C10orf53: variants seen among roughly 807,000 people sequenced by gnomAD.
C10orf53 encodes chromosome 10 open reading frame 53.
Under a neutral mutation model 9.4 loss-of-function variants are expected in C10orf53, and 8 were observed. The ratio of observed to expected loss-of-function variants is 0.85; its 90% confidence interval spans 0.50 to 1.53. The LOEUF (loss-of-function observed/expected upper bound fraction) is 1.53, where lower values mean the gene tolerates loss of function less well. Ranked by LOEUF, C10orf53 falls within the 40% of genes most tolerant of loss-of-function variation. The pLI is 0.00. For synonymous variants in C10orf53, 48 were observed against 46.0 expected, an observed-to-expected ratio of 1.04 and a Z score of -0.18; for missense variants, 117 against 117.8, an observed-to-expected ratio of 0.99 and a Z score of 0.03.
intron 1 of C10orf53, among the ~76,000 whole-genome samples, chr10:49,680,803 G>T (rs1840472084): frequency 6.6e-6 from 1 of 152,204 alleles, no homozygotes; most frequent in Non-Finnish European, 1.5e-5. Context: ...AGGGTAAAAA[G>T]AATGTTATCC....
chr10:49,679,934 C>A, intron 1 of C10orf53, 140 bp downstream of exon 1: 4 of 766,320 alleles, frequency 5.2e-6, no homozygotes, highest in Non-Finnish European at 7.7e-6. Context: ...GATGTTGCAA[C>A]CTATGGCTTC....
At chr10:49,699,730 T>C (rs1219499343), downstream of C10orf53, among the ~76,000 whole-genome samples, 1 of 152,186 alleles carries the variant, frequency 6.6e-6, no homozygotes, top group Non-Finnish European at 1.5e-5. Context: ...TGCAGACTAC[T>C]CTTGTTTTAA....
rs1017862122 is a variant in C10orf53 at position 49,697,029 on chromosome 10, C to CA, written c.*2433dup. ...CCAACATGGTGAAGCCTCATCTCTA[C>CA]AAAAAATACAAAAATTAGCCAGGCC... On this transcript the variant is annotated 3_prime_UTR_variant, in exon 3 of 3. Transcript: ENST00000374111. Among the ~76,000 whole-genome samples, 3 of 151,988 alleles carry CA rather than the reference C, an allele frequency of 2.0e-5. No individual in the cohort carries two copies. The highest frequency in any genetic ancestry group is 7.3e-5 in the African/African-American group (3 of 41,374).
chr10:49,699,213 T>TTTTTTTTG (rs1840662009), downstream of C10orf53, among the ~76,000 whole-genome samples: 2 of 144,276 alleles, frequency 1.4e-5, no homozygotes, highest in Non-Finnish European at 3.0e-5. Flanking sequence ...TTTTTTTTTT[T>TTTTTTTTG]TGACAAGGCC....
downstream of C10orf53, among the ~76,000 whole-genome samples, chr10:49,701,719 T>C (rs1840684649): frequency 6.6e-6 from 1 of 151,502 alleles, no homozygotes; most frequent in South Asian, 2.1e-4. Context: ...TGCCCTGCCC[T>C]CCCACCACTC....
At chr10:49,705,547 A>G (rs1840716821) in intron 2 of C10orf53, among the ~76,000 whole-genome samples, 1 of 152,176 alleles carries the variant, frequency 6.6e-6, no homozygotes, top group South Asian at 2.1e-4. Context: ...GCCTCAAGAA[A>G]TGGTGCAGGG....
rs1327173010 is a variant in C10orf53 at position 49,696,123 on chromosome 10, A to G, written c.*1521A>G. ...AGACATATAGAAATTGACTTCATCC[A>G]TTTGAGATTTATGCACAATTTTGTA... On this transcript the variant is annotated 3_prime_UTR_variant, in exon 3 of 3. Transcript: ENST00000374111. 2.0e-5 allele frequency: 3 copies of G among 152,180 alleles called. No individual in the cohort carries two copies. Among genetic ancestry groups the G allele is most frequent in the African/African-American group, 4.8e-5 (2 of 41,442 alleles). 9.4% of individuals were successfully genotyped at this position (152,180 alleles called of 1,614,324 possible).
At position 49,696,642 on chromosome 10, in the gene C10orf53, G is replaced by A. The variant is rs1373067453; in HGVS notation, c.*2040G>A. On this transcript the variant is annotated 3_prime_UTR_variant, in exon 3 of 3. Transcript: ENST00000374111. Reference sequence around the variant, plus strand: ...ACGGATTCTAAGAAATACCGGAGAAGCTTCTGGGAGATGCCTGTGCCCAGA... The same window carrying A: ...ACGGATTCTAAGAAATACCGGAGAAACTTCTGGGAGATGCCTGTGCCCAGA... Among the ~76,000 whole-genome samples, 2 of 152,158 alleles carry A rather than the reference G, an allele frequency of 1.3e-5. No individual in the cohort carries two copies. The highest frequency in any genetic ancestry group is 2.9e-5 in the Non-Finnish European group (2 of 68,046).
In C10orf53 at chr10:49,679,730, T is replaced by C; in HGVS notation, c.33T>C (p.Tyr11=). The C allele has an allele frequency of 1.3e-6, 2 of 1,548,490 alleles. No homozygotes were observed. Among genetic ancestry groups the C allele is most frequent in the Non-Finnish European group, 1.7e-6 (2 of 1,146,150 alleles). MPKNAVVILR[Y]GPYSAAGLPV... ...AGAACGCAGTGGTCATCCTGCGCTA[T>C]GGGCCCTACAGCGCGGCAGGCCTAC... Residue 11 remains tyrosine (Y), a synonymous_variant, in exon 1 of 3, where the codon TAT becomes TAC. Coordinates refer to ENST00000374111, the MANE Select transcript of C10orf53 (RefSeq NM_001042427.3).
At chr10:49,686,612 A>G (rs769954588) in intron 1 of C10orf53, among the ~76,000 whole-genome samples, 2 of 152,202 alleles carry the variant, frequency 1.3e-5, no homozygotes, top group Non-Finnish European at 2.9e-5. Context: ...GGGTAGGTCT[A>G]TAGATGGCTG....
At chr10:49,688,616 CT>C (rs1166842854) in intron 1 of C10orf53, among the ~76,000 whole-genome samples, 1 of 148,332 alleles carries the variant, frequency 6.7e-6, no homozygotes, top group Non-Finnish European at 1.5e-5. Flanking sequence ...TATGGCCCCC[CT>C]GATCTCACCC....
Position 49,694,667 on chromosome 10 carries a change from A to T in C10orf53, c.*65A>T. 1 of 1,612,032 alleles carries T rather than the reference A, an allele frequency of 6.2e-7. No individual in the cohort carries two copies. Among genetic ancestry groups the T allele is most frequent in the Non-Finnish European group, 8.5e-7 (1 of 1,178,970 alleles). On this transcript the variant is annotated 3_prime_UTR_variant, in exon 3 of 3. Transcript: ENST00000374111. ...AGCTGCCCCAGCCATTCTATGATGCAGGCAGAAGTGGCTGTGCCACGGTGT... is the reference window on the plus strand; with the variant it reads ...AGCTGCCCCAGCCATTCTATGATGCTGGCAGAAGTGGCTGTGCCACGGTGT...
At chr10:49,707,782 C>T (rs1840733175) in intron 2 of C10orf53, among the ~76,000 whole-genome samples, 1 of 151,656 alleles carries the variant, frequency 6.6e-6, no homozygotes, top group African/African-American at 2.4e-5. Context: ...GTGTGTGCTT[C>T]TTGGGAACTG....
intron 1 of C10orf53, among the ~76,000 whole-genome samples, chr10:49,685,566 C>T (rs1459640554): frequency 2.6e-5 from 4 of 152,196 alleles, no homozygotes; most frequent in Non-Finnish European, 5.9e-5. Flanking sequence ...CACACACTTA[C>T]ACACACATAT....
chr10:49,700,024 TAA>T (rs766043395), downstream of C10orf53, among the ~76,000 whole-genome samples: 9 of 152,078 alleles, frequency 5.9e-5, no homozygotes, highest in Non-Finnish European at 1.3e-4. Flanking sequence ...TAGAGGAAGT[TAA>T]GAGCTGAGAC....
At chr10:49,681,857 G>C (rs1840481609) in intron 1 of C10orf53, among the ~76,000 whole-genome samples, 1 of 152,146 alleles carries the variant, frequency 6.6e-6, no homozygotes, top group Admixed American at 6.5e-5. Context: ...ACCTCTTTAA[G>C]CACCTGTAGT....
chr10:49,705,732 T>C (rs949541919), intron 2 of C10orf53, among the ~76,000 whole-genome samples: 2 of 152,090 alleles, frequency 1.3e-5, no homozygotes, highest in Non-Finnish European at 2.9e-5. Flanking sequence ...ATGTTTCTTA[T>C]ATATTAAACC....
At position 49,695,297 on chromosome 10, in the gene C10orf53, AAAG is replaced by A. The variant is rs1336233149; in HGVS notation, c.*697_*699del. The A allele has an allele frequency of 2.0e-4, 31 of 152,260 alleles. No individual in the cohort carries two copies. The highest frequency in any genetic ancestry group is 2.0e-3 in the Admixed American group (31 of 15,284). The allele number at this position is 152,260 out of a possible 1,614,324, so 9.4% of individuals were successfully genotyped here. On this transcript the variant is annotated 3_prime_UTR_variant, in exon 3 of 3. Coordinates refer to ENST00000374111, the MANE Select transcript of C10orf53 (RefSeq NM_001042427.3). ...GAGTAGAACACAGCCCCATAGAGTT[AAAG>A]AGGGTTTTCACTATGTTCAGTGTGA...
In C10orf53 at chr10:49,697,408, G is replaced by A. The variant is rs971887558; in HGVS notation, c.*2806G>A. On this transcript the variant is annotated 3_prime_UTR_variant, in exon 3 of 3. Coordinates refer to ENST00000374111, the MANE Select transcript of C10orf53 (RefSeq NM_001042427.3). ...AGGCAAAAGTGCCCTGTGCTTCAAC[G>A]TGCTAGACATTCGGGCGCCTTCATG... is the stretch of plus-strand genomic sequence containing the variant. Among the ~76,000 whole-genome samples, 8 of 152,170 alleles carry A rather than the reference G, an allele frequency of 5.3e-5. No individual in the cohort carries two copies. Among genetic ancestry groups the A allele is most frequent in the African/African-American group, 1.4e-4 (6 of 41,416 alleles).
Sources: gnomAD v4.1 joint callset for allele counts (sites outside exome capture counted in the v4.1 genomes callset) on GRCh38, gnomAD v4.1.1 for gene constraint, MANE v1.5 for transcripts, NCBI Gene and HGNC (gene_info 2026-07-23, HGNC 2026-07-21) for gene names.